IGF1R: variants seen among roughly 807,000 people sequenced by gnomAD.
IGF1R encodes insulin-like growth factor 1 receptor.
A neutral mutation model predicts 144.6 loss-of-function variants in IGF1R; 44 were observed. The observed-to-expected ratio is 0.30, with a 90% CI of 0.24 to 0.39. The LOEUF is 0.39. IGF1R is among the 10% of genes least tolerant of loss of function. The probability of loss-of-function intolerance (pLI) is 1.00; values close to 1 mark genes in which losing one functional copy is unlikely to be tolerated. For synonymous variants in IGF1R, 795 were observed against 722.8 expected (o/e 1.10, Z -1.60); for missense variants, 1,355 against 1,833.7 (o/e 0.74, Z 4.77).
intron 2 of IGF1R, among the ~76,000 whole-genome samples, chr15:98,808,743 G>A (rs1391115887): frequency 6.6e-6 from 1 of 151,580 alleles, no homozygotes; most frequent in African/African-American, 2.4e-5. Flanking sequence ...GCAGTGGTGC[G>A]GTCATAGCCC....
chr15:98,708,153 C>A, intron 2 of IGF1R, 46 bp downstream of exon 2: 1 of 1,506,906 alleles, frequency 6.6e-7, no homozygotes, highest in Non-Finnish European at 9.2e-7. Flanking sequence ...TCTCTCTCTC[C>A]TCTCCTCCTC....
intron 18 of IGF1R, among the ~76,000 whole-genome samples, chr15:98,941,159 A>G (rs1006060064): frequency 1.3e-5 from 2 of 152,188 alleles, no homozygotes; most frequent in African/African-American, 4.8e-5. Context: ...CGGGAGCCTC[A>G]GTTTCCTCAC....
intron 15 of IGF1R, among the ~76,000 whole-genome samples, chr15:98,931,399 ATACTT>A (rs1215815632): frequency 6.6e-6 from 1 of 152,202 alleles, no homozygotes; most frequent in Non-Finnish European, 1.5e-5. Flanking sequence ...ACATAAGAAA[ATACTT>A]TAATAATGTG....
chr15:98,927,256 T>C (rs925522008), intron 13 of IGF1R, among the ~76,000 whole-genome samples: 2 of 152,208 alleles, frequency 1.3e-5, no homozygotes. Flanking sequence ...CAGACAAGAC[T>C]CTGTCCTGCT....
rs1445424942 is a variant in IGF1R at position 98,649,668 on chromosome 15, T to C, written c.87T>C (p.Ser29=). 1.2e-6 allele frequency: 2 copies of C among 1,609,156 alleles called. No homozygotes were observed. Among genetic ancestry groups the C allele is most frequent in the South Asian group, 1.1e-5 (1 of 90,608 alleles). ...LSAALSLWPT[S]GEICGPGIDI... ...CCGCGCTCTCGCTCTGGCCGACGAG[T>C]GGAGAAAGTGAGTATGTGCCCGCCG... is the stretch of plus-strand genomic sequence containing the variant. The change falls in exon 1 of 21, where the codon AGT becomes AGC. Residue 29 remains serine, a synonymous_variant. Coordinates refer to ENST00000650285, the MANE Select transcript of IGF1R (RefSeq NM_000875.5).
Position 98,649,515 on chromosome 15 carries a change from CTTTTCTTTTCT to C in IGF1R, c.-62_-52del, listed in dbSNP as rs1332082969. The C allele has an allele frequency of 8.4e-6, 8 of 956,796 alleles. No individual in the cohort carries two copies. The African/African-American group carries it at 1.5e-4, about 18-fold the overall frequency. The allele number at this position is 956,796 out of a possible 1,614,324, so 59.3% of individuals were successfully genotyped here. On this transcript the variant is annotated 5_prime_UTR_variant, in exon 1 of 21. Transcript: ENST00000650285. ...TTGTTTCCTTTCATTTCCTTTTTTT[CTTTTCTTTTCT>C]TTTTTTTTTTTTTTTTTTTTTTTGA...
intron 1 of IGF1R, among the ~76,000 whole-genome samples, chr15:98,667,281 A>G (rs2052767183): frequency 6.6e-6 from 1 of 152,088 alleles, no homozygotes; most frequent in African/African-American, 2.4e-5. Flanking sequence ...ATTTGTTTAG[A>G]TGTTTGATTC....
chr15:98,816,409 G>A (rs916272244), intron 2 of IGF1R, among the ~76,000 whole-genome samples: 2 of 152,158 alleles, frequency 1.3e-5, no homozygotes, highest in Non-Finnish European at 2.9e-5. Context: ...CCAGTAATTC[G>A]AAAGCACTTG....
intron 11 of IGF1R, 81 bp from the exon 12 acceptor site, chr15:98,923,795 G>T (rs45487197): frequency 1.0e-4 from 114 of 1,103,978 alleles, no homozygotes; most frequent in East Asian, 4.9e-4. Flanking sequence ...TGGATGGGGG[G>T]GTTATTCTCA....
At chr15:98,689,221 G>C (rs2053411869) in intron 1 of IGF1R, among the ~76,000 whole-genome samples, 1 of 150,414 alleles carries the variant, frequency 6.6e-6, no homozygotes, top group Non-Finnish European at 1.5e-5. Context: ...AGCAGCTTTG[G>C]ACAGTTGCAC....
chr15:98,705,672 G>C (rs532249002), intron 1 of IGF1R, among the ~76,000 whole-genome samples: 14 of 152,268 alleles, frequency 9.2e-5, no homozygotes, highest in Non-Finnish European at 1.8e-4. Flanking sequence ...TCTCTGCTCA[G>C]TTTCTGTCTT....
chr15:98,962,517 A>T lies in IGF1R; in HGVS notation c.*5075A>T, dbSNP rs932470232. ...TTAGACTGAACCTCTGTTGCCAGAG[A>T]TGCTGAAGATACAGACCTTGGACAG... On this transcript the variant is annotated 3_prime_UTR_variant, in exon 21 of 21. Transcript: ENST00000650285. The T allele has an allele frequency of 3.4e-5, 8 of 233,738 alleles. No individual in the cohort carries two copies. The highest frequency in any genetic ancestry group is 1.5e-4 in the African/African-American group (7 of 45,476). The allele number at this position is 233,738 out of a possible 1,614,324, so 14.5% of individuals were successfully genotyped here.
intron 2 of IGF1R, among the ~76,000 whole-genome samples, chr15:98,874,378 G>A (rs376388659): frequency 1.3e-4 from 20 of 152,236 alleles, no homozygotes; most frequent in African/African-American, 4.8e-4. Context: ...GGAGAAAAAC[G>A]TTTTCAATAG....
chr15:98,649,377 C>A lies in IGF1R; in HGVS notation c.-205C>A. On this transcript the variant is annotated 5_prime_UTR_variant, in exon 1 of 21. Coordinates refer to ENST00000650285, the MANE Select transcript of IGF1R (RefSeq NM_000875.5). The stretch of plus-strand genomic sequence containing the variant: ...CGCTGCTGCCGGCGCTGAGGGGCCG[C>A]CCCGCGCCGCCCGCCCCGTCCGCGC... 3.6e-6 allele frequency: 1 copy of A among 281,344 alleles called. No homozygotes were observed. The highest frequency in any genetic ancestry group is 2.2e-5 in the African/African-American group (1 of 45,168). The allele number at this position is 281,344 out of a possible 1,614,324, so 17.4% of individuals were successfully genotyped here.
rs2015271328 is a variant in IGF1R at position 98,916,778 on chromosome 15, C to T, written c.2103C>T (p.Ala701=). The change falls in exon 10 of 21, where the codon GCC becomes GCT. Residue 701 remains alanine (A), a synonymous_variant. Transcript: ENST00000650285. ...GTGGGGAGAAAGGGCCTTGCTGCGC[C>T]TGCCCCAAAACTGAAGCCGAGAAGC... ...VCGGEKGPCC[A]CPKTEAEKQA... 6.2e-7 allele frequency: 1 copy of T among 1,614,058 alleles called. No homozygotes were observed. Among genetic ancestry groups the T allele is most frequent in the Non-Finnish European group, 8.5e-7 (1 of 1,180,012 alleles).
At chr15:98,884,425 T>G (rs973797133) in intron 2 of IGF1R, among the ~76,000 whole-genome samples, 14 of 152,180 alleles carry the variant, frequency 9.2e-5, no homozygotes, top group Non-Finnish European at 1.5e-4. Context: ...CCAGGCCTGG[T>G]GGCTCACACC....
chr15:98,671,259 A>C (rs1158950941), intron 1 of IGF1R, among the ~76,000 whole-genome samples: 4 of 152,258 alleles, frequency 2.6e-5, no homozygotes, highest in Non-Finnish European at 5.9e-5. Context: ...TCCTGAAAAC[A>C]AAAGTGACCA....
intron 2 of IGF1R, chr15:98,734,706 G>A (rs2054572549): frequency 6.6e-6 from 1 of 152,218 alleles, no homozygotes; most frequent in South Asian, 2.1e-4. Flanking sequence ...GAGGCCGATT[G>A]TGTAACCTTT....
chr15:98,731,460 C>G (rs1007850271), intron 2 of IGF1R, among the ~76,000 whole-genome samples: 2 of 152,214 alleles, frequency 1.3e-5, no homozygotes, highest in East Asian at 3.9e-4. Flanking sequence ...TTGTTTCTGT[C>G]TCTCAGTGAA....
Sources: gnomAD v4.1 joint callset for allele counts (sites outside exome capture counted in the v4.1 genomes callset) on GRCh38, gnomAD v4.1.1 for gene constraint, MANE v1.5 for transcripts, NCBI Gene and HGNC (gene_info 2026-07-23, HGNC 2026-07-21) for gene names.